GABBR2: variants seen among roughly 807,000 people sequenced by gnomAD.
GABBR2 encodes gamma-aminobutyric acid type B receptor subunit 2, also known as G-protein coupled receptor 51.
Under a neutral mutation model 105.6 loss-of-function variants are expected in GABBR2, and 23 were observed. The observed-to-expected ratio is 0.22, with a 90% CI of 0.16 to 0.31. The LOEUF (loss-of-function observed/expected upper bound fraction) is 0.31. Ranked by LOEUF, GABBR2 falls within the 10% of genes least tolerant of loss-of-function variation. The pLI, the probability that GABBR2 is intolerant of heterozygous loss-of-function variation, is 1.00. For missense variants in GABBR2, 734 were observed against 1,245.5 expected, an observed-to-expected ratio of 0.59 and a Z score of 6.18; for synonymous variants, 478 against 499.7, an observed-to-expected ratio of 0.96 and a Z score of 0.58.
At position 98,351,199 on chromosome 9, in the gene GABBR2, T is replaced by C. The variant is rs144429070; in HGVS notation, c.1893+11516A>G. ...AAAAAAAATCCATTCATCCAGTCTATGTCTTTTAATTGAGGTATTTAAACC... is the reference window on the plus strand; with the variant it reads ...AAAAAAAATCCATTCATCCAGTCTACGTCTTTTAATTGAGGTATTTAAACC... On this transcript the variant is annotated intron_variant, in intron 13 of 18. Transcript: ENST00000259455. Among the ~76,000 whole-genome samples the C allele has an allele frequency of 4.1e-3, 618 of 152,326 alleles. 8 individuals carry two copies. In the South Asian group the frequency reaches 0.041, roughly 10 times the overall value.
At chr9:98,491,894 A>G (rs1008060810) in intron 4 of GABBR2, among the ~76,000 whole-genome samples, 3 of 152,122 alleles carry the variant, frequency 2.0e-5, no homozygotes, top group Non-Finnish European at 4.4e-5. Context: ...CGTTTCTGTC[A>G]TGACCTCAGC....
intron 7 of GABBR2, among the ~76,000 whole-genome samples, chr9:98,428,017 C>T (rs1377193027): frequency 6.6e-6 from 1 of 152,210 alleles, no homozygotes; most frequent in Non-Finnish European, 1.5e-5. Flanking sequence ...GAATTCCTAA[C>T]CCACAGAAAC....
intron 3 of GABBR2, among the ~76,000 whole-genome samples, chr9:98,513,223 A>G (rs1827687992): frequency 1.3e-5 from 2 of 151,406 alleles, no homozygotes; most frequent in South Asian, 4.1e-4. Flanking sequence ...CTGAAACTGG[A>G]TCCCTTCCTT....
At chr9:98,324,019 G>A (rs977223423) in intron 13 of GABBR2, among the ~76,000 whole-genome samples, 1 of 152,214 alleles carries the variant, frequency 6.6e-6, no homozygotes. Flanking sequence ...AGGGCCATCA[G>A]CCTCCCTCAC....
chr9:98,469,717 G>C (rs995039166), intron 6 of GABBR2, among the ~76,000 whole-genome samples: 3 of 152,118 alleles, frequency 2.0e-5, no homozygotes, highest in Non-Finnish European at 2.9e-5. Flanking sequence ...ATCTTTTTAG[G>C]GGCCACTATT....
rs200753545 is a variant in GABBR2 at position 98,514,923 on chromosome 9, C to T, written c.631-18409G>A. ...AGTCTAGGCTTGTGAGATATCACTT[C>T]GTGCATCCCTGAAGAACTGCCACCA... On this transcript the variant is annotated intron_variant, in intron 3 of 18. Transcript: ENST00000259455. Among the ~76,000 whole-genome samples, 62 of 152,242 alleles carry T rather than the reference C, an allele frequency of 4.1e-4. 1 individual carries two copies. In the East Asian group the frequency reaches 0.01, roughly 25 times the overall value.
In GABBR2 at chr9:98,454,027, C is replaced by A; in HGVS notation, c.1190G>T (p.Arg397Met). The A allele has an allele frequency of 6.2e-7, 1 of 1,614,234 alleles. No homozygotes were observed. Among genetic ancestry groups the A allele is most frequent in the South Asian group, 1.1e-5 (1 of 91,092 alleles). Residue 397 changes from arginine to methionine, a missense_variant, in exon 7 of 19, where the codon AGG becomes ATG. This residue lies in a region of GABBR2 where 370 missense variants were observed against 648.9 expected (regional missense o/e 0.57). Transcript: ENST00000259455. The surrounding 1 kb of genome is among the most constrained non-coding windows in gnomAD (Gnocchi z 4.6). ...DFNYTDHTLGRIILNAMNETN... is the reference protein window; with the variant it reads ...DFNYTDHTLGMIILNAMNETN... ...CTCGTTCATGGCATTGAGGATGATC[C>A]TGCCCAGCGTGTGGTCCGTGTAGTT... is the stretch of plus-strand genomic sequence containing the variant.
intron 1 of GABBR2, among the ~76,000 whole-genome samples, chr9:98,578,938 T>C (rs1431994053): frequency 2.6e-5 from 4 of 152,052 alleles, no homozygotes; most frequent in African/African-American, 9.7e-5. Context: ...GTAGAAATGG[T>C]GGTTGCCCGG....
chr9:98,322,155 A>G (rs1830833619), intron 13 of GABBR2, among the ~76,000 whole-genome samples: 1 of 151,864 alleles, frequency 6.6e-6, no homozygotes, highest in South Asian at 2.1e-4. Context: ...GGGCTGGCCC[A>G]GAGGGGGCAC....
At chr9:98,530,329 G>T (rs73488481) in intron 3 of GABBR2, among the ~76,000 whole-genome samples, 2,655 of 152,292 alleles carry the variant, frequency 0.017, 76 homozygotes, top group African/African-American at 0.059. Flanking sequence ...TGTGGTAGGT[G>T]GGGTACAGGG....
intron 2 of GABBR2, among the ~76,000 whole-genome samples, chr9:98,558,931 T>C (rs1167157946): frequency 6.6e-6 from 1 of 152,238 alleles, no homozygotes; most frequent in Non-Finnish European, 1.5e-5. Context: ...AGCATCATGC[T>C]TTATTACAAA....
chr9:98,412,558 G>T (rs568378356), intron 7 of GABBR2, among the ~76,000 whole-genome samples: 5 of 152,290 alleles, frequency 3.3e-5, no homozygotes, highest in African/African-American at 1.2e-4. Flanking sequence ...GGCCTCAGAA[G>T]TCTCCTCAGA....
chr9:98,301,118 G>A (rs1046587764), intron 16 of GABBR2, among the ~76,000 whole-genome samples: 1 of 152,148 alleles, frequency 6.6e-6, no homozygotes, highest in Non-Finnish European at 1.5e-5. Context: ...TGGGTTCCGT[G>A]AGCCCCTCTA....
chr9:98,419,935 A>G (rs2071463725), intron 7 of GABBR2, among the ~76,000 whole-genome samples: 1 of 152,016 alleles, frequency 6.6e-6, no homozygotes, highest in Admixed American at 6.6e-5. Context: ...TCTTGAGGTT[A>G]GTTGTGGGCA....
intron 7 of GABBR2, among the ~76,000 whole-genome samples, chr9:98,438,708 G>A (rs1302619739): frequency 1.3e-5 from 2 of 152,100 alleles, no homozygotes; most frequent in Non-Finnish European, 2.9e-5. Context: ...CCCACTCCCT[G>A]GCCTGCCACC....
chr9:98,446,857 CA>C (rs1826138392), intron 7 of GABBR2, among the ~76,000 whole-genome samples: 1 of 152,108 alleles, frequency 6.6e-6, no homozygotes, highest in Admixed American at 6.6e-5. Context: ...GAGCTTCTAA[CA>C]AGTTCTCCAG....
intron 2 of GABBR2, among the ~76,000 whole-genome samples, chr9:98,544,474 A>G (rs995042008): frequency 6.6e-6 from 1 of 152,198 alleles, no homozygotes; most frequent in African/African-American, 2.4e-5. Context: ...CAAGACCGGT[A>G]AAGGTCAAAG....
chr9:98,626,128 G>A (rs113542574), intron 1 of GABBR2, among the ~76,000 whole-genome samples: 16 of 152,340 alleles, frequency 1.1e-4, no homozygotes, highest in African/African-American at 3.8e-4. Flanking sequence ...CATGCTGAGT[G>A]AAAGAGGCTG....
In GABBR2 at chr9:98,708,462, T is replaced by G. The variant is rs1467562554; in HGVS notation, c.276A>C (p.Ser92=). Residue 92 remains serine (S), a synonymous_variant, in exon 1 of 19, where the codon TCA becomes TCC. Transcript: ENST00000259455. ...ELAIEQIRNE[S]LLRPYFLDLR... ...GGTCGAGGAAGTAGGGGCGCAGGAG[T>G]GACTCGTTGCGGATCTGCTCGATGG... 1 of 1,574,522 alleles carries G rather than the reference T, an allele frequency of 6.4e-7. No homozygotes were observed. The highest frequency in any genetic ancestry group is 1.4e-5 in the African/African-American group (1 of 73,632).
Sources: allele counts gnomAD v4.1 joint callset (sites outside exome capture counted in the v4.1 genomes callset), GRCh38; gene constraint gnomAD v4.1.1; regional missense constraint gnomAD v4.1.1; non-coding constraint Gnocchi (gnomAD v3.1); transcripts MANE v1.5; gene names NCBI Gene and HGNC (gene_info 2026-07-23, HGNC 2026-07-21).